FNIP2: variants seen among roughly 807,000 people sequenced by gnomAD.
FNIP2 encodes the protein folliculin-interacting protein 2.
In FNIP2, 32 loss-of-function variants were observed where a neutral mutation model predicts 108.7. That is an observed-to-expected ratio of 0.29 (90% confidence interval 0.22 to 0.40). The LOEUF is 0.40. Among genes scored for constraint, FNIP2 ranks in the 10% least tolerant of loss-of-function variants. The pLI, the probability that FNIP2 is intolerant of heterozygous loss-of-function variation, is 1.00. For synonymous variants in FNIP2, 480 were observed against 496.7 expected, an observed-to-expected ratio of 0.97 and a Z score of 0.45; for missense variants, 1,202 against 1,381.6, an observed-to-expected ratio of 0.87 and a Z score of 2.06.
At chr4:158,832,847 G>A (rs1005030835) in intron 5 of FNIP2, among the ~76,000 whole-genome samples, 3 of 152,004 alleles carry the variant, frequency 2.0e-5, no homozygotes, top group Non-Finnish European at 2.9e-5. Flanking sequence ...ATTCCCTTAC[G>A]TGCAGATTTA....
chr4:158,810,539 A>C (rs937246237), intron 1 of FNIP2, among the ~76,000 whole-genome samples: 5 of 152,224 alleles, frequency 3.3e-5, no homozygotes, highest in Admixed American at 2.6e-4. Flanking sequence ...AGAGTGAATG[A>C]ATCAAGGAAT....
At chr4:158,840,023 T>A (rs1779035702) in intron 7 of FNIP2, among the ~76,000 whole-genome samples, 1 of 152,184 alleles carries the variant, frequency 6.6e-6, no homozygotes, top group Non-Finnish European at 1.5e-5. Context: ...TTCTAGTGGT[T>A]CCCATTAGAA....
chr4:158,881,757 A>G (rs896415284), intron 14 of FNIP2, among the ~76,000 whole-genome samples: 3 of 152,112 alleles, frequency 2.0e-5, no homozygotes, highest in East Asian at 1.9e-4. Context: ...TCAGTGCTCA[A>G]TGTTGCCCAG....
chr4:158,884,658 C>T (rs1781917946), intron 14 of FNIP2, among the ~76,000 whole-genome samples: 3 of 152,106 alleles, frequency 2.0e-5, no homozygotes, highest in African/African-American at 4.8e-5. Context: ...TTTCACACAA[C>T]TGTAAAGTAC....
intron 2 of FNIP2, 70 bp downstream of exon 2, chr4:158,826,112 T>C: frequency 6.5e-7 from 1 of 1,535,204 alleles, no homozygotes; most frequent in Non-Finnish European, 8.8e-7. Context: ...AATCATTTAT[T>C]AATCTATCAT....
intron 8 of FNIP2, among the ~76,000 whole-genome samples, chr4:158,854,431 G>C (rs1411000959): frequency 6.6e-6 from 1 of 152,182 alleles, no homozygotes; most frequent in Non-Finnish European, 1.5e-5. Context: ...TGCCGCTTTA[G>C]AGTCTTCTAA....
intron 1 of FNIP2, among the ~76,000 whole-genome samples, chr4:158,820,593 A>G (rs540920425): frequency 6.6e-6 from 1 of 152,330 alleles, no homozygotes; most frequent in East Asian, 1.9e-4. Flanking sequence ...TTGTAGAGCA[A>G]CAGATGCATT....
chr4:158,851,347 C>A lies in FNIP2; in HGVS notation c.754C>A (p.Pro252Thr), dbSNP rs752464152. Residue 252 changes from proline to threonine, a missense_variant, in exon 8 of 17, where the codon CCT becomes ACT. This residue lies in a region of FNIP2 where 878 missense variants were observed against 990.3 expected (regional missense o/e 0.89). Coordinates refer to ENST00000264433, the MANE Select transcript of FNIP2 (RefSeq NM_020840.3). ...CTCACTAAGCAGTCTTTTGATCACA[C>A]CTTTCCCATCTCCAAGCTCCTCTAC... ...SASLSSLLIT[P>T]FPSPSSSTSS... 1.2e-6 allele frequency: 2 copies of A among 1,614,008 alleles called. No individual in the cohort carries two copies. Among genetic ancestry groups the A allele is most frequent in the Non-Finnish European group, 1.7e-6 (2 of 1,179,882 alleles).
intron 16 of FNIP2, among the ~76,000 whole-genome samples, chr4:158,900,415 G>C (rs947256269): frequency 4.6e-5 from 7 of 152,010 alleles, no homozygotes; most frequent in Non-Finnish European, 1.0e-4. Flanking sequence ...CTGTCTCGTT[G>C]ATCTAATATT....
intron 1 of FNIP2, among the ~76,000 whole-genome samples, chr4:158,790,166 C>T (rs1221539307): frequency 6.6e-6 from 1 of 151,374 alleles, no homozygotes; most frequent in Non-Finnish European, 1.5e-5. Context: ...GGTCCTATCC[C>T]CAAGATATCT....
In FNIP2 at chr4:158,877,132, A is replaced by T. The variant is rs191007730; in HGVS notation, c.2949+6663A>T. Among the ~76,000 whole-genome samples, 12 of 152,320 alleles carry T rather than the reference A, an allele frequency of 7.9e-5. 1 individual carries two copies. The East Asian group carries it at 2.3e-3, about 29-fold the overall frequency. On this transcript the variant is annotated intron_variant, in intron 14 of 16. Transcript: ENST00000264433. ...GATTCTGATACCCTTTCTGACCTTG[A>T]GCACCTCTTCTCAACTTCCGACTGA...
chr4:158,795,163 G>T (rs1305136419), intron 1 of FNIP2, among the ~76,000 whole-genome samples: 1 of 152,210 alleles, frequency 6.6e-6, no homozygotes, highest in Non-Finnish European at 1.5e-5. Flanking sequence ...TCTCAAAGGA[G>T]CATTTGAATC....
At chr4:158,865,876 T>C (rs1295825818) in intron 12 of FNIP2, among the ~76,000 whole-genome samples, 1 of 152,162 alleles carries the variant, frequency 6.6e-6, no homozygotes, top group East Asian at 1.9e-4. Flanking sequence ...TATCAGCCTA[T>C]AATCTAGTCA....
intron 7 of FNIP2, among the ~76,000 whole-genome samples, chr4:158,847,420 G>A (rs1209132468): frequency 6.6e-6 from 1 of 152,152 alleles, no homozygotes; most frequent in Non-Finnish European, 1.5e-5. Context: ...CAGTAGGATA[G>A]AGCACTGGGC....
chr4:158,817,282 G>A (rs1463125556), intron 1 of FNIP2, among the ~76,000 whole-genome samples: 2 of 152,160 alleles, frequency 1.3e-5, no homozygotes, highest in South Asian at 4.1e-4. Context: ...GATTTTGTGA[G>A]CACCTTTTGA....
intron 16 of FNIP2, among the ~76,000 whole-genome samples, chr4:158,899,062 A>G (rs1268477348): frequency 1.3e-5 from 2 of 152,100 alleles, no homozygotes; most frequent in African/African-American, 2.4e-5. Flanking sequence ...AGTGGTGTTG[A>G]GTTTTGTCGA....
At chr4:158,802,717 G>C (rs907148879) in intron 1 of FNIP2, among the ~76,000 whole-genome samples, 6 of 152,148 alleles carry the variant, frequency 3.9e-5, no homozygotes, top group Admixed American at 1.3e-4. Context: ...ATTGGAGGTG[G>C]GTCCTGGCAG....
intron 1 of FNIP2, chr4:158,808,565 T>A (rs1777095280): frequency 6.6e-6 from 1 of 152,240 alleles, no homozygotes; most frequent in African/African-American, 2.4e-5. Context: ...CATTGCTTAC[T>A]TGCAGTATTG....
chr4:158,790,269 T>C (rs1213047867), intron 1 of FNIP2, among the ~76,000 whole-genome samples: 1 of 151,264 alleles, frequency 6.6e-6, no homozygotes, highest in Non-Finnish European at 1.5e-5. Context: ...TTTCAGATTT[T>C]GGAATATTTG....
Sources: allele counts gnomAD v4.1 joint callset (sites outside exome capture counted in the v4.1 genomes callset), GRCh38; gene constraint gnomAD v4.1.1; regional missense constraint gnomAD v4.1.1; transcripts MANE v1.5; gene names NCBI Gene and HGNC (gene_info 2026-07-23, HGNC 2026-07-21).